LDLRAD4: variants seen among roughly 807,000 people sequenced by gnomAD.
LDLRAD4 encodes low-density lipoprotein receptor class A domain-containing protein 4.
In LDLRAD4, 5 loss-of-function variants were observed where a neutral mutation model predicts 17.0. The ratio of observed to expected loss-of-function variants is 0.29; its 90% CI spans 0.15 to 0.62. The LOEUF is 0.62. LDLRAD4 is among the 20% of genes least tolerant of loss of function. The probability of loss-of-function intolerance (pLI) is 0.84; values close to 1 mark genes in which losing one functional copy is unlikely to be tolerated. For synonymous variants in LDLRAD4, 168 were observed against 171.8 expected (o/e 0.98, Z 0.17); for missense variants, 340 against 424.7 (o/e 0.80, Z 1.75).
chr18:13,388,541 A>C (rs894874565), intron 2 of LDLRAD4, among the ~76,000 whole-genome samples: 2 of 152,224 alleles, frequency 1.3e-5, no homozygotes, highest in Non-Finnish European at 2.9e-5. Flanking sequence ...AGATGGTAGA[A>C]ATAGTCACAA....
intron 3 of LDLRAD4, among the ~76,000 whole-genome samples, chr18:13,518,548 G>A (rs1056201059): frequency 6.6e-6 from 1 of 152,072 alleles, no homozygotes; most frequent in Admixed American, 6.5e-5. Context: ...TAAACTTCCC[G>A]TGTTTATGCT....
At chr18:13,450,327 C>CCA (rs1014857737) in intron 3 of LDLRAD4, among the ~76,000 whole-genome samples, 8 of 27,896 alleles carry the variant, frequency 2.9e-4, no homozygotes, top group African/African-American at 5.6e-4. Context: ...TCTCCCCCCA[C>CCA]CCCCCCCCCC....
At chr18:13,231,579 C>T (rs915050480) in intron 1 of LDLRAD4, among the ~76,000 whole-genome samples, 2 of 152,178 alleles carry the variant, frequency 1.3e-5, no homozygotes, top group Non-Finnish European at 2.9e-5. Context: ...AGCTCTGTCT[C>T]GACCACAGTG....
rs1206754589 is a variant in LDLRAD4, at chr18:13,612,544, CA to C, written c.182-8572del. The C allele has an allele frequency of 2.6e-3, 3,638 of 1,375,406 alleles. 28 individuals are homozygous for C. The African/African-American group carries it at 0.036, about 14-fold the overall frequency. The allele number at this position is 1,375,406 out of a possible 1,614,324, so 85.2% of individuals were successfully genotyped here. A position where few individuals can be genotyped will look rare whatever the true frequency, so the allele number is the denominator to read the frequency against. Reference sequence around the variant, plus strand: ...AGAGTGAACGAGGCAGACAGAAACACACCCCCCCCCCCTCCACGCTCACACA... The same window carrying C: ...AGAGTGAACGAGGCAGACAGAAACACCCCCCCCCCCCTCCACGCTCACACA... On this transcript the variant is annotated intron_variant, in intron 3 of 5. Transcript: ENST00000359446.
At chr18:13,225,974 G>A (rs940263957) in intron 1 of LDLRAD4, among the ~76,000 whole-genome samples, 4 of 151,822 alleles carry the variant, frequency 2.6e-5, no homozygotes, top group Non-Finnish European at 5.9e-5. Flanking sequence ...AAATATGATT[G>A]CATTGAACGT....
exon 6 of LDLRAD4, chr18:13,647,894 T>C (rs999692022): frequency 6.6e-6 from 1 of 152,210 alleles, no homozygotes; most frequent in Non-Finnish European, 1.5e-5. Context: ...GAGATTGGCT[T>C]GGGGCCAGAA....
At chr18:13,303,200 C>G (rs1464437716) in intron 1 of LDLRAD4, among the ~76,000 whole-genome samples, 2 of 152,204 alleles carry the variant, frequency 1.3e-5, no homozygotes, top group East Asian at 3.9e-4. Context: ...GCCCAGATGT[C>G]TCGTCAGATC....
At chr18:13,584,019 A>G (rs769974457) in intron 3 of LDLRAD4, among the ~76,000 whole-genome samples, 17 of 151,850 alleles carry the variant, frequency 1.1e-4, no homozygotes, top group Non-Finnish European at 2.2e-4. Flanking sequence ...CCCTTAGCCC[A>G]TCTCCCACAC....
At chr18:13,543,863 C>CCCTA (rs1253529501) in intron 3 of LDLRAD4, among the ~76,000 whole-genome samples, 1 of 152,242 alleles carries the variant, frequency 6.6e-6, no homozygotes, top group Non-Finnish European at 1.5e-5. Flanking sequence ...ACCTGTTGAG[C>CCCTA]CCTACCTCCA....
intron 1 of LDLRAD4, among the ~76,000 whole-genome samples, chr18:13,316,201 A>G (rs2080926270): frequency 6.6e-6 from 1 of 152,234 alleles, no homozygotes. Flanking sequence ...CTGCAAAACT[A>G]GAACACAAGG....
At position 13,574,209 on chromosome 18, in the gene LDLRAD4, G is replaced by A. The variant is rs181994860; in HGVS notation, c.182-46908G>A. Among the ~76,000 whole-genome samples, 273 of 152,270 alleles carry A rather than the reference G, an allele frequency of 1.8e-3. 2 individuals are homozygous for A. The highest frequency in any genetic ancestry group is 6.4e-3 in the African/African-American group (264 of 41,538). On this transcript the variant is annotated intron_variant, in intron 3 of 5. Coordinates refer to ENST00000359446, the Ensembl canonical transcript of LDLRAD4. ...CAAATTTAATAGTGGATGTTCTGCC[G>A]TCTGCTATTATTACCCATGGTTTGC...
At chr18:13,612,323 A>T in intron 3 of LDLRAD4, 2 of 1,078,628 alleles carry the variant, frequency 1.9e-6, no homozygotes, top group Non-Finnish European at 2.3e-6. Context: ...TGTAAACAGT[A>T]GTGCCCTGGG....
At chr18:13,541,150 C>T (rs2094277268) in intron 3 of LDLRAD4, among the ~76,000 whole-genome samples, 1 of 152,216 alleles carries the variant, frequency 6.6e-6, no homozygotes, top group Non-Finnish European at 1.5e-5. Context: ...TAAATTGGTG[C>T]TGCCATTTTG....
intron 1 of LDLRAD4, among the ~76,000 whole-genome samples, chr18:13,264,184 G>A (rs1344954360): frequency 6.6e-6 from 1 of 152,188 alleles, no homozygotes; most frequent in African/African-American, 2.4e-5. Flanking sequence ...TTGAAAGAGC[G>A]AGTGGGGGCT....
At chr18:13,414,413 A>T (rs1333096009) in intron 2 of LDLRAD4, among the ~76,000 whole-genome samples, 1 of 152,210 alleles carries the variant, frequency 6.6e-6, no homozygotes, top group Non-Finnish European at 1.5e-5. Context: ...CTCTATTGTC[A>T]CTGTCACTTA....
intron 1 of LDLRAD4, among the ~76,000 whole-genome samples, chr18:13,227,573 T>TGA (rs2041873736): frequency 6.6e-6 from 1 of 152,214 alleles, no homozygotes; most frequent in South Asian, 2.1e-4. Flanking sequence ...TCCGTTCTCA[T>TGA]GCTGCTATGA....
chr18:13,417,960 A>G (rs1003708267), intron 2 of LDLRAD4, among the ~76,000 whole-genome samples: 1 of 152,118 alleles, frequency 6.6e-6, no homozygotes, highest in Non-Finnish European at 1.5e-5. Flanking sequence ...GGTAGACACC[A>G]CTTATCCACG....
intron 1 of LDLRAD4, among the ~76,000 whole-genome samples, chr18:13,381,564 C>T (rs1396340722): frequency 6.6e-6 from 1 of 152,206 alleles, no homozygotes; most frequent in Non-Finnish European, 1.5e-5. Context: ...CTACGGCTGG[C>T]TGCCTGGAGG....
intron 2 of LDLRAD4, among the ~76,000 whole-genome samples, chr18:13,429,230 AC>A (rs923980948): frequency 6.6e-6 from 1 of 152,144 alleles, no homozygotes; most frequent in African/African-American, 2.4e-5. Flanking sequence ...GTCTCCAGGG[AC>A]CTGGCCAGGC....
Sources: allele counts gnomAD v4.1 joint callset (sites outside exome capture counted in the v4.1 genomes callset), GRCh38; gene constraint gnomAD v4.1.1; transcripts MANE v1.5; gene names NCBI Gene and HGNC (gene_info 2026-07-23, HGNC 2026-07-21).